Variants in SNX29 observed in about 807,000 individuals in gnomAD.
SNX29 encodes sorting nexin-29.
Under a neutral mutation model 102.1 loss-of-function variants are expected in SNX29, and 78 were observed. The ratio of observed to expected loss-of-function variants is 0.76; its 90% CI spans 0.64 to 0.92. The LOEUF (loss-of-function observed/expected upper bound fraction) is 0.92. Among genes scored for constraint, SNX29 ranks in the 40% least tolerant of loss-of-function variants. The pLI is 0.00. For missense variants in SNX29, 1,280 were observed against 1,061.7 expected, an observed-to-expected ratio of 1.21 and a Z score of -2.86; for synonymous variants, 580 against 414.5, an observed-to-expected ratio of 1.40 and a Z score of -4.85.
At chr16:12,081,883 G>T in intron 11 of SNX29, 1 of 152,702 alleles carries the variant, frequency 6.5e-6, no homozygotes. Context: ...CTATGCAAAG[G>T]CAAGAAGGAA....
intron 13 of SNX29, chr16:12,135,491 C>G: frequency 7.6e-7 from 1 of 1,311,292 alleles, no homozygotes; most frequent in Non-Finnish European, 1.0e-6. Flanking sequence ...TGATAAGAGC[C>G]AGTTACTGCA....
At chr16:12,204,930 G>C (rs181763129) in intron 14 of SNX29, among the ~76,000 whole-genome samples, 3 of 152,220 alleles carry the variant, frequency 2.0e-5, no homozygotes, top group Admixed American at 6.5e-5. Context: ...GTGATTCCCA[G>C]CTCCACACCC....
At chr16:12,238,324 C>T (rs1327980797) in intron 14 of SNX29, among the ~76,000 whole-genome samples, 5 of 143,598 alleles carry the variant, frequency 3.5e-5, no homozygotes, top group East Asian at 2.0e-4. Flanking sequence ...TTTTTTGAGA[C>T]GGAGTCTCGC....
rs549771421 is a variant in SNX29, at chr16:12,433,046, C to A, written c.2037+29517C>A. On this transcript the variant is annotated intron_variant, in intron 18 of 20. Coordinates refer to ENST00000566228, the MANE Select transcript of SNX29 (RefSeq NM_032167.5). ...CACTAGGAATATGCAGAATGTGGAG[C>A]GGGTTCCTGAGTGGAAGGAGCCCCA... 2.0e-5 allele frequency among the ~76,000 whole-genome samples: 3 copies of A among 152,254 alleles called. No homozygotes were observed. In the South Asian group the frequency reaches 6.2e-4, roughly 32 times the overall value.
chr16:12,538,408 A>G (rs188619562), intron 20 of SNX29, among the ~76,000 whole-genome samples: 1 of 152,274 alleles, frequency 6.6e-6, no homozygotes, highest in Admixed American at 6.5e-5. Flanking sequence ...CACTTTTAAA[A>G]TGATGTCTGG....
At chr16:12,285,068 C>A (rs370172554) in intron 15 of SNX29, among the ~76,000 whole-genome samples, 1 of 152,168 alleles carries the variant, frequency 6.6e-6, no homozygotes, top group South Asian at 2.1e-4. Flanking sequence ...CACTTTTCTG[C>A]CTGTTTATAG....
intron 13 of SNX29, among the ~76,000 whole-genome samples, chr16:12,194,971 G>C (rs1160400247): frequency 6.6e-6 from 1 of 152,108 alleles, no homozygotes; most frequent in Non-Finnish European, 1.5e-5. Context: ...AAGTGCTCTA[G>C]TAAAGTGCAT....
chr16:12,298,338 C>A (rs1356871522), intron 15 of SNX29, among the ~76,000 whole-genome samples: 1 of 152,178 alleles, frequency 6.6e-6, no homozygotes, highest in African/African-American at 2.4e-5. Flanking sequence ...TCCTTAGACT[C>A]CTCATCCCCT....
chr16:12,146,678 G>C (rs1216033164), intron 13 of SNX29, among the ~76,000 whole-genome samples: 1 of 152,170 alleles, frequency 6.6e-6, no homozygotes, highest in Non-Finnish European at 1.5e-5. Flanking sequence ...CTTGGCTCCT[G>C]CATCTGTGGC....
intron 8 of SNX29, among the ~76,000 whole-genome samples, chr16:12,053,967 G>GTTTTT (rs753961907): frequency 6.8e-6 from 1 of 146,710 alleles, no homozygotes. Flanking sequence ...TATATTGTCA[G>GTTTTT]TTTTTGTTTT....
chr16:12,228,891 G>A (rs73504125), intron 14 of SNX29, among the ~76,000 whole-genome samples: 4,549 of 152,332 alleles, frequency 0.03, 223 homozygotes, highest in African/African-American at 0.1. Flanking sequence ...GTGATGCGGG[G>A]CAGGCTGCCT....
chr16:12,113,017 C>T (rs544873906), intron 11 of SNX29, among the ~76,000 whole-genome samples: 1 of 152,266 alleles, frequency 6.6e-6, no homozygotes, highest in South Asian at 2.1e-4. Context: ...CCACATGATT[C>T]CCATTGTGTT....
At chr16:12,486,082 G>C (rs1445785933) in intron 19 of SNX29, among the ~76,000 whole-genome samples, 7 of 152,184 alleles carry the variant, frequency 4.6e-5, no homozygotes, top group African/African-American at 1.4e-4. Context: ...TTTCTTTCTA[G>C]AGACTCCAGG....
intron 14 of SNX29, among the ~76,000 whole-genome samples, chr16:12,230,223 G>T (rs1192231350): frequency 1.3e-5 from 2 of 152,246 alleles, no homozygotes; most frequent in Middle Eastern, 3.2e-3. Flanking sequence ...GAAAGCTTCT[G>T]AAGCTGGTCC....
chr16:12,258,780 C>G (rs1159261159), intron 14 of SNX29, among the ~76,000 whole-genome samples: 1 of 152,112 alleles, frequency 6.6e-6, no homozygotes, highest in East Asian at 1.9e-4. Context: ...GAGGTAGTTC[C>G]TGAATCAGAC....
intron 15 of SNX29, among the ~76,000 whole-genome samples, chr16:12,334,192 A>G (rs1002577076): frequency 5.3e-5 from 8 of 152,180 alleles, no homozygotes; most frequent in African/African-American, 1.9e-4. Flanking sequence ...TGTTGGTTTA[A>G]AAACCTAAGC....
At chr16:12,566,808 A>G (rs551514098) in intron 20 of SNX29, among the ~76,000 whole-genome samples, 1 of 152,254 alleles carries the variant, frequency 6.6e-6, no homozygotes, top group Admixed American at 6.5e-5. Context: ...CTCAGAGATG[A>G]TTCAGAGCAG....
intron 15 of SNX29, among the ~76,000 whole-genome samples, chr16:12,332,975 C>T (rs158470): frequency 0.97 from 148,169 of 152,114 alleles, 72,301 homozygotes; most frequent in Middle Eastern, 1. Context: ...ACAGACGCTC[C>T]GCAGGCAGTA....
intron 19 of SNX29, among the ~76,000 whole-genome samples, chr16:12,524,391 C>T (rs1039670193): frequency 1.3e-5 from 2 of 151,874 alleles, no homozygotes; most frequent in African/African-American, 4.8e-5. Context: ...GTTCATTGTT[C>T]TACCCTGACC....
Sources: gnomAD v4.1 joint callset for allele counts (sites outside exome capture counted in the v4.1 genomes callset) on GRCh38, gnomAD v4.1.1 for gene constraint, MANE v1.5 for transcripts, NCBI Gene and HGNC (gene_info 2026-07-23, HGNC 2026-07-21) for gene names.